NAT10: variants seen among roughly 807,000 people sequenced by gnomAD.
NAT10 encodes RNA cytidine acetyltransferase.
Under a neutral mutation model 132.2 loss-of-function variants are expected in NAT10, and 109 were observed. The observed-to-expected ratio is 0.82, with a 90% CI of 0.71 to 0.97. NAT10 has a LOEUF of 0.97. NAT10 is among the 50% of genes least tolerant of loss of function. The pLI is 0.00. For missense variants in NAT10, 1,184 were observed against 1,263.4 expected (o/e 0.94, Z 0.95); for synonymous variants, 479 against 478.0 (o/e 1.00, Z -0.03).
Position 34,118,517 on chromosome 11 carries a change from T to TA in NAT10, c.780+14_780+15insA, listed in dbSNP as rs756432558. 6.2e-7 allele frequency: 1 copy of TA among 1,600,898 alleles called. No homozygotes were observed. The highest frequency in any genetic ancestry group is 1.1e-5 in the South Asian group (1 of 89,970). On this transcript the variant is annotated intron_variant, in intron 8 of 28. Transcript: ENST00000257829. ...ACTCTAGACCAGGTGAGTGTGGTGC[T>TA]CAGCACTTCCAACACAAAGGTAGTA...
At position 34,146,288 on chromosome 11, in the gene NAT10, C is replaced by G; in HGVS notation, c.*96C>G. On this transcript the variant is annotated 3_prime_UTR_variant, in exon 29 of 29. Coordinates refer to ENST00000257829, the MANE Select transcript of NAT10 (RefSeq NM_024662.3). ...GACTGTTAAAAGCAACGAGAGGCCC[C>G]GGCACACCTGGAAGCTGGCCGCGAA... 1.1e-6 allele frequency: 1 copy of G among 895,834 alleles called. No individual in the cohort carries two copies. The highest frequency in any genetic ancestry group is 1.7e-6 in the Non-Finnish European group (1 of 599,698). The allele number at this position is 895,834 out of a possible 1,614,324, so 55.5% of individuals were successfully genotyped here.
intron 4 of NAT10, among the ~76,000 whole-genome samples, chr11:34,112,549 A>G (rs1327239516): frequency 6.6e-6 from 1 of 152,244 alleles, no homozygotes; most frequent in African/African-American, 2.4e-5. Flanking sequence ...CCTTATTGGC[A>G]TTCACCAAAG....
chr11:34,111,705 T>C (rs184424191), intron 3 of NAT10, among the ~76,000 whole-genome samples: 3 of 152,368 alleles, frequency 2.0e-5, no homozygotes, highest in African/African-American at 4.8e-5. Context: ...CATTGGCTTA[T>C]GACTGAGATA....
In NAT10 at chr11:34,115,825, T is replaced by G. The variant is rs1425750471; in HGVS notation, c.498T>G (p.Asp166Glu). 3 of 1,614,032 alleles carry G rather than the reference T, an allele frequency of 1.9e-6. No homozygotes were observed. Reference protein sequence around the residue: ...SLKQLYTVTMDVHSRYRTEAH... With the variant: ...SLKQLYTVTMEVHSRYRTEAH... The stretch of plus-strand genomic sequence containing the variant: ...TGGATGTTGTCTTTCTTTGTTAGGA[T>G]GTGCATTCCAGGTACAGAACTGAGG... Residue 166 changes from aspartate to glutamate, a missense_variant and splice_region_variant, in exon 6 of 29, where the codon GAT becomes GAG. Transcript: ENST00000257829.
At chr11:34,110,559 CTTTTTTTTTTTTT>C (rs948109196) in intron 3 of NAT10, among the ~76,000 whole-genome samples, 5 of 101,742 alleles carry the variant, frequency 4.9e-5, no homozygotes, top group Non-Finnish European at 7.5e-5. Context: ...TTTTCTTTCC[CTTTTTTTTTTTTT>C]TTTTTTTTTT....
intron 26 of NAT10, 144 bp downstream of exon 26, chr11:34,141,961 C>A: frequency 1.4e-6 from 1 of 695,550 alleles, no homozygotes; most frequent in Non-Finnish European, 2.4e-6. Flanking sequence ...TTTAATTGGA[C>A]AAACGGACCC....
chr11:34,126,080 A>G (rs1851986425), intron 11 of NAT10, among the ~76,000 whole-genome samples: 1 of 152,254 alleles, frequency 6.6e-6, no homozygotes, highest in South Asian at 2.1e-4. Context: ...GTTCAAATGT[A>G]TAGGAGCGTG....
At chr11:34,107,031 C>CTTTTTTTTT (rs71037398) in intron 1 of NAT10, 2 of 127,538 alleles carry the variant, frequency 1.6e-5, no homozygotes, top group African/African-American at 3.0e-5. Flanking sequence ...AATCACAGAA[C>CTTTTTTTTT]TTTTTTTTTT....
At chr11:34,143,368 T>C in intron 27 of NAT10, 77 bp from the exon 28 acceptor site, 1 of 1,261,340 alleles carries the variant, frequency 7.9e-7, no homozygotes, top group Non-Finnish European at 1.1e-6. Flanking sequence ...ATAAGAATGT[T>C]GTCACTGTCG....
At chr11:34,113,646 A>C in intron 4 of NAT10, 70 bp from the exon 5 acceptor site, 1 of 1,468,242 alleles carries the variant, frequency 6.8e-7, no homozygotes, top group South Asian at 1.4e-5. Context: ...CAAAAAAAAA[A>C]AAAAAAAAAA....
At chr11:34,117,372 T>C (rs187803800) in intron 6 of NAT10, among the ~76,000 whole-genome samples, 22 of 151,974 alleles carry the variant, frequency 1.4e-4, no homozygotes, top group Admixed American at 1.2e-3. Flanking sequence ...TTTGGGAGGG[T>C]GGTGGTGGGT....
At chr11:34,132,888 G>A (rs1461579754) in intron 15 of NAT10, 138 bp from the exon 16 acceptor site, 10 of 716,942 alleles carry the variant, frequency 1.4e-5, no homozygotes, top group Non-Finnish European at 2.2e-5. Context: ...TACTAGAAAG[G>A]TGCTTTGCTG....
At chr11:34,106,300 G>A (rs1389827477) in intron 1 of NAT10, among the ~76,000 whole-genome samples, 1 of 152,152 alleles carries the variant, frequency 6.6e-6, no homozygotes, top group African/African-American at 2.4e-5. Flanking sequence ...GTAGATAGAC[G>A]AATGAGTGAG....
intron 16 of NAT10, among the ~76,000 whole-genome samples, chr11:34,134,068 G>A (rs920115122): frequency 2.6e-5 from 4 of 152,092 alleles, no homozygotes; most frequent in Non-Finnish European, 5.9e-5. Context: ...GGAGGCTGAG[G>A]CAGGAAAATG....
chr11:34,112,548 C>T (rs1019847700), intron 4 of NAT10, among the ~76,000 whole-genome samples: 1 of 152,236 alleles, frequency 6.6e-6, no homozygotes, highest in Non-Finnish European at 1.5e-5. Context: ...TCCTTATTGG[C>T]ATTCACCAAA....
chr11:34,119,950 G>A (rs1211173459), intron 8 of NAT10, among the ~76,000 whole-genome samples: 2 of 152,176 alleles, frequency 1.3e-5, no homozygotes, highest in Non-Finnish European at 2.9e-5. Context: ...GAACTATCCA[G>A]TGTGTGGAAA....
At position 34,122,508 on chromosome 11, in the gene NAT10, G is replaced by A. The variant is rs775450573; in HGVS notation, c.830G>A (p.Arg277Lys). The part of the protein sequence containing the change: ...FIEGISEKTL[R>K]STVALTAARG... ...GAGGGCATCTCTGAAAAGACCCTGA[G>A]GAGTACTGTTGCACTCACAGCTGCT... The change falls in exon 9 of 29, where the codon AGG (arginine) becomes AAG (lysine). Residue 277 changes from arginine (R) to lysine (K), a missense_variant. Arg to Lys is a conservative substitution (Grantham distance 26). Coordinates refer to ENST00000257829, the MANE Select transcript of NAT10 (RefSeq NM_024662.3). 5 of 1,614,224 alleles carry A rather than the reference G, an allele frequency of 3.1e-6. No individual in the cohort carries two copies. The highest frequency in any genetic ancestry group is 2.2e-5 in the East Asian group (1 of 44,882).
At chr11:34,116,063 G>A (rs947420167) in intron 6 of NAT10, among the ~76,000 whole-genome samples, 179 bp downstream of exon 6, 1 of 152,208 alleles carries the variant, frequency 6.6e-6, no homozygotes, top group African/African-American at 2.4e-5. Context: ...AAACGTGGTG[G>A]AAAGTTGGAG....
At chr11:34,123,359 A>G (rs1157776819) in intron 9 of NAT10, among the ~76,000 whole-genome samples, 1 of 152,342 alleles carries the variant, frequency 6.6e-6, no homozygotes, top group Non-Finnish European at 1.5e-5. Flanking sequence ...AGCATCCTTT[A>G]TACTCAGCAA....
Sources: gnomAD v4.1 joint callset for allele counts (sites outside exome capture counted in the v4.1 genomes callset) on GRCh38, gnomAD v4.1.1 for gene constraint, MANE v1.5 for transcripts, NCBI Gene and HGNC (gene_info 2026-07-23, HGNC 2026-07-21) for gene names.